Variants in KCNAB2 observed in about 807,000 individuals in gnomAD.
The protein encoded by KCNAB2 is voltage-gated potassium channel subunit beta-2.
A neutral mutation model predicts 63.6 loss-of-function variants in KCNAB2; 29 were observed. That is an observed-to-expected ratio of 0.46 (90% CI 0.34 to 0.62). KCNAB2 has a LOEUF of 0.62. Among genes scored for constraint, KCNAB2 ranks in the 20% least tolerant of loss-of-function variants. The pLI, the probability that KCNAB2 is intolerant of heterozygous loss-of-function variation, is 0.01. For synonymous variants in KCNAB2, 222 were observed against 224.2 expected, an observed-to-expected ratio of 0.99 and a Z score of 0.09; for missense variants, 359 against 563.9, an observed-to-expected ratio of 0.64 and a Z score of 3.68.
Position 6,073,642 on chromosome 1 carries a change from C to T in KCNAB2, c.263-91C>T. 2 of 1,215,790 alleles carry T rather than the reference C, an allele frequency of 1.6e-6. No homozygotes were observed. The highest frequency in any genetic ancestry group is 2.4e-6 in the Non-Finnish European group (2 of 817,772). The allele number at this position is 1,215,790 out of a possible 1,614,324, so 75.3% of individuals were successfully genotyped here. A position where few individuals can be genotyped will look rare whatever the true frequency, so the allele number is the denominator to read the frequency against. On this transcript the variant is annotated intron_variant, in intron 3 of 15. Transcript: ENST00000378083. This position sits in a 1 kb window ranked among gnomAD's most constrained non-coding sequence, Gnocchi z 5.7. Reference sequence around the variant, plus strand: ...GCACAGAGGGACACCTGTGGCTGCCCCCTGTGCCCTACAGCCTGAGGTCTG... The same window carrying T: ...GCACAGAGGGACACCTGTGGCTGCCTCCTGTGCCCTACAGCCTGAGGTCTG...
chr1:5,997,334 AAGGGGAAGAGAGGGCAGG>A (rs1362101783), intron 1 of KCNAB2, among the ~76,000 whole-genome samples: 13 of 152,212 alleles, frequency 8.5e-5, no homozygotes, highest in East Asian at 1.9e-4. Flanking sequence ...GGAGGGAAGG[AAGGGGAAGAGAGGGCAGG>A]AGGGGAGAGC....
intron 7 of KCNAB2, 68 bp from the exon 8 acceptor site, chr1:6,088,940 C>T (rs561507556): frequency 1.0e-5 from 15 of 1,445,092 alleles, no homozygotes; most frequent in Admixed American, 8.3e-5. Context: ...GCATCGTAAA[C>T]GTTTTTTGGG....
upstream of KCNAB2, among the ~76,000 whole-genome samples, chr1:6,029,343 C>T (rs1659430138): frequency 6.6e-6 from 1 of 151,954 alleles, no homozygotes; most frequent in Non-Finnish European, 1.5e-5. Flanking sequence ...AGAGAAGCCT[C>T]CTGACAGCCA....
intron 6 of KCNAB2, 70 bp downstream of exon 6, chr1:6,085,318 T>C (rs1664606276): frequency 1.4e-6 from 2 of 1,422,914 alleles, no homozygotes; most frequent in African/African-American, 2.8e-5. Flanking sequence ...GTCAGCCTCG[T>C]CGGCCTGTCG....
chr1:6,001,709 C>G (rs907042108), intron 1 of KCNAB2, among the ~76,000 whole-genome samples: 2 of 152,156 alleles, frequency 1.3e-5, no homozygotes, highest in Non-Finnish European at 2.9e-5. Context: ...TGGTCTCTAA[C>G]GCAGCCCGGA....
rs954159930 is a variant in KCNAB2, at chr1:6,046,168, G to A, written c.-42G>A. 15 of 985,212 alleles carry A rather than the reference G, an allele frequency of 1.5e-5. No homozygotes were observed. The East Asian group carries it at 3.4e-4, about 22-fold the overall frequency. The allele number at this position is 985,212 out of a possible 1,614,324, so 61.0% of individuals were successfully genotyped here. ...ACTGTGGCCTTTTTAACGAGCAGAC[G>A]CCCCCACGAAGGCAGGTGAGTCCTC... On this transcript the variant is annotated 5_prime_UTR_variant, in exon 1 of 16. Coordinates refer to ENST00000378083, the MANE Select transcript of KCNAB2 (RefSeq NM_001199862.2).
Position 6,096,544 on chromosome 1 carries a change from C to G in KCNAB2, c.949-92C>G, listed in dbSNP as rs1665655042. The G allele has an allele frequency of 4.8e-6, 7 of 1,469,696 alleles. No individual in the cohort carries two copies. The South Asian group carries it at 9.5e-5, about 20-fold the overall frequency. 91.0% of individuals were successfully genotyped at this position (1,469,696 alleles called of 1,614,324 possible). A position where few individuals can be genotyped will look rare whatever the true frequency, so the allele number is the denominator to read the frequency against. On this transcript the variant is annotated intron_variant, in intron 13 of 15. Transcript: ENST00000378083. This position sits in a 1 kb window ranked among gnomAD's most constrained non-coding sequence, Gnocchi z 5.9. ...AGAGCCCCTATGAGGGAGAAGGGTCCAGAAGGAATGAGCCCATCGGCCCCC... is the reference window on the plus strand; with the variant it reads ...AGAGCCCCTATGAGGGAGAAGGGTCGAGAAGGAATGAGCCCATCGGCCCCC...
At chr1:6,041,041 G>A (rs1471068061), upstream of KCNAB2, 1 of 176,124 alleles carries the variant, frequency 5.7e-6, no homozygotes, top group Admixed American at 6.0e-5. Flanking sequence ...CCTGAGCGAG[G>A]ATGACGACCT....
At chr1:6,097,178 T>G in intron 14 of KCNAB2, 91 bp from the exon 15 acceptor site, 1 of 1,388,080 alleles carries the variant, frequency 7.2e-7, no homozygotes, top group Non-Finnish European at 9.6e-7. Context: ...ACCAAGATGC[T>G]GGGTCTCTCG....
intron 6 of KCNAB2, 125 bp downstream of exon 6, chr1:6,085,373 G>A (rs1057268627): frequency 1.2e-6 from 1 of 824,036 alleles, no homozygotes; most frequent in Non-Finnish European, 2.0e-6. Flanking sequence ...TTCTTGCTGG[G>A]AAGTGGAGAG....
chr1:6,056,389 A>G (rs779675789), intron 2 of KCNAB2, among the ~76,000 whole-genome samples: 5 of 152,210 alleles, frequency 3.3e-5, no homozygotes, highest in Admixed American at 6.5e-5. Context: ...TTGCTGTTAA[A>G]AAGAATTTTA....
chr1:6,096,851 C>T lies in KCNAB2; in HGVS notation c.1069+95C>T. The T allele has an allele frequency of 7.1e-7, 1 of 1,405,610 alleles. No individual in the cohort carries two copies. Among genetic ancestry groups the T allele is most frequent in the Admixed American group, 2.7e-5 (1 of 37,104 alleles). The allele number at this position is 1,405,610 out of a possible 1,614,324, so 87.1% of individuals were successfully genotyped here. On this transcript the variant is annotated intron_variant, in intron 14 of 15. Coordinates refer to ENST00000378083, the MANE Select transcript of KCNAB2 (RefSeq NM_001199862.2). The surrounding 1 kb of genome is among the most constrained non-coding windows in gnomAD (Gnocchi z 5.9). Reference sequence around the variant, plus strand: ...GGTGGGGTTGCCATGGGGCCAGTGTCTCCGGGGAGAGAGGGAAGGGATCCC... The same window carrying T: ...GGTGGGGTTGCCATGGGGCCAGTGTTTCCGGGGAGAGAGGGAAGGGATCCC...
chr1:6,074,167 T>C lies in KCNAB2; in HGVS notation c.300+397T>C, dbSNP rs967585811. Among the ~76,000 whole-genome samples, 2 of 152,208 alleles carry C rather than the reference T, an allele frequency of 1.3e-5. No individual in the cohort carries two copies. The highest frequency in any genetic ancestry group is 4.8e-5 in the African/African-American group (2 of 41,462). ...CCATGGAGGCTCCAGTAACTGTCTG[T>C]CTTGGTCATTGGGAATGCAGCCCCT... On this transcript the variant is annotated intron_variant, in intron 4 of 15. Coordinates refer to ENST00000378083, the MANE Select transcript of KCNAB2 (RefSeq NM_001199862.2). The surrounding 1 kb of genome is among the most constrained non-coding windows in gnomAD (Gnocchi z 4.9).
chr1:6,032,443 G>T (rs1302099815), upstream of KCNAB2, among the ~76,000 whole-genome samples: 2 of 152,126 alleles, frequency 1.3e-5, no homozygotes, highest in African/African-American at 2.4e-5. Flanking sequence ...TGGGCATGGT[G>T]GCACGCGCCT....
At chr1:5,993,244 AG>A (rs1488195753) in intron 1 of KCNAB2, among the ~76,000 whole-genome samples, 1 of 151,174 alleles carries the variant, frequency 6.6e-6, no homozygotes, top group Middle Eastern at 3.2e-3. Flanking sequence ...TCGCTTCTCA[AG>A]GCTCATCCGT....
intron 2 of KCNAB2, among the ~76,000 whole-genome samples, chr1:6,054,170 T>C (rs2100550388): frequency 6.6e-6 from 1 of 151,950 alleles, no homozygotes; most frequent in South Asian, 2.1e-4. Context: ...CTACGACTGG[T>C]GTCCTTATAA....
intron 7 of KCNAB2, among the ~76,000 whole-genome samples, chr1:6,088,648 G>T (rs1482517953): frequency 6.6e-6 from 1 of 151,792 alleles, no homozygotes; most frequent in East Asian, 1.9e-4. Flanking sequence ...CTCCCAAAGT[G>T]CTGGGATTAC....
intron 8 of KCNAB2, among the ~76,000 whole-genome samples, 189 bp from the exon 9 acceptor site, chr1:6,090,200 C>T (rs1665069528): frequency 6.6e-6 from 1 of 152,138 alleles, no homozygotes; most frequent in Non-Finnish European, 1.5e-5. Flanking sequence ...GGGAAGATCC[C>T]CCCACTCCCT....
chr1:6,060,746 T>C (rs1388933909), intron 2 of KCNAB2, among the ~76,000 whole-genome samples: 2 of 151,852 alleles, frequency 1.3e-5, no homozygotes, highest in African/African-American at 4.8e-5. Flanking sequence ...CTACTAAAAA[T>C]ACAAAAATTA....
Sources: allele counts gnomAD v4.1 joint callset (sites outside exome capture counted in the v4.1 genomes callset), GRCh38; gene constraint gnomAD v4.1.1; non-coding constraint Gnocchi (gnomAD v3.1); transcripts MANE v1.5; gene names NCBI Gene and HGNC (gene_info 2026-07-23, HGNC 2026-07-21).